The following PLAG1 variants were observed in gnomAD, a reference collection of about 807,000 sequenced individuals.
PLAG1 encodes the protein PLAG1 zinc finger, also known as zinc finger protein PLAG1.
PLAG1 carries 7 observed loss-of-function variants against 35.5 expected under a neutral mutation model. The ratio of observed to expected loss-of-function variants is 0.20; its 90% confidence interval spans 0.11 to 0.37. The LOEUF is 0.37. Ranked by LOEUF, PLAG1 falls within the 10% of genes least tolerant of loss-of-function variation. The probability of loss-of-function intolerance (pLI) is 1.00; values close to 1 mark genes in which losing one functional copy is unlikely to be tolerated. For synonymous variants in PLAG1, 229 were observed against 225.4 expected (o/e 1.02, Z -0.14); for missense variants, 454 against 602.8 (o/e 0.75, Z 2.58).
chr8:56,202,912 T>C (rs1040756380), intron 1 of PLAG1, among the ~76,000 whole-genome samples: 3 of 152,170 alleles, frequency 2.0e-5, no homozygotes, highest in African/African-American at 7.2e-5. Flanking sequence ...GTTTATACTT[T>C]CCCAAAAGAA....
intron 1 of PLAG1, among the ~76,000 whole-genome samples, chr8:56,190,279 C>T (rs541906190): frequency 5.9e-5 from 9 of 151,916 alleles, no homozygotes; most frequent in Admixed American, 1.3e-4. Context: ...GAAAGGGGCA[C>T]GGAGAGGGGA....
chr8:56,189,752 TG>T (rs1431449915), intron 1 of PLAG1, among the ~76,000 whole-genome samples: 4 of 151,912 alleles, frequency 2.6e-5, no homozygotes, highest in African/African-American at 9.7e-5. Context: ...GAACTGAGAT[TG>T]GGGTGAGGTA....
chr8:56,194,503 A>G lies in PLAG1; in HGVS notation c.-321-14990T>C, dbSNP rs575345900. Among the ~76,000 whole-genome samples, 26 of 152,304 alleles carry G rather than the reference A, an allele frequency of 1.7e-4. No homozygotes were observed. The South Asian group carries it at 4.8e-3, about 28-fold the overall frequency. On this transcript the variant is annotated intron_variant, in intron 1 of 4. Coordinates refer to ENST00000316981, the MANE Select transcript of PLAG1 (RefSeq NM_002655.3). ...GGCTCATGCATGCAGTGGGTGCACT[A>G]CAGTGGGAGAGACTTCGGTCATGGA...
intron 1 of PLAG1, among the ~76,000 whole-genome samples, chr8:56,186,738 C>A (rs1285353055): frequency 6.6e-6 from 1 of 150,424 alleles, no homozygotes; most frequent in African/African-American, 2.4e-5. Flanking sequence ...TATTTTGAGA[C>A]CGAGTTTCGC....
In PLAG1 at chr8:56,164,226, C is replaced by A. The variant is rs932407669; in HGVS notation, c.*2017G>T. ...TACATAAGTATAAAAACTACTGCTCCAAGGATTAAAAAAATATAGGAGCAT... is the reference window on the plus strand; with the variant it reads ...TACATAAGTATAAAAACTACTGCTCAAAGGATTAAAAAAATATAGGAGCAT... On this transcript the variant is annotated 3_prime_UTR_variant, in exon 5 of 5. Transcript: ENST00000316981. 5.0e-6 allele frequency: 1 copy of A among 200,734 alleles called. No homozygotes were observed. The allele number at this position is 200,734 out of a possible 1,614,324, so 12.4% of individuals were successfully genotyped here. A position where few individuals can be genotyped will look rare whatever the true frequency, so the allele number is the denominator to read the frequency against.
At chr8:56,180,635 A>C (rs1173105244) in intron 1 of PLAG1, among the ~76,000 whole-genome samples, 2 of 152,130 alleles carry the variant, frequency 1.3e-5, no homozygotes, top group South Asian at 2.1e-4. Flanking sequence ...TCTTGAGTTA[A>C]TTTTTGTATA....
intron 1 of PLAG1, among the ~76,000 whole-genome samples, chr8:56,189,427 C>G (rs1293390208): frequency 1.3e-5 from 2 of 152,108 alleles, no homozygotes; most frequent in South Asian, 2.1e-4. Flanking sequence ...GTATAGACCC[C>G]CTATCTGCAC....
chr8:56,182,876 C>T (rs1328599506), intron 1 of PLAG1, among the ~76,000 whole-genome samples: 5 of 151,982 alleles, frequency 3.3e-5, no homozygotes, highest in African/African-American at 1.2e-4. Context: ...GAGGCTTTTG[C>T]CCTGGATAAG....
At chr8:56,204,392 C>T (rs1418925282) in intron 1 of PLAG1, among the ~76,000 whole-genome samples, 1 of 151,760 alleles carries the variant, frequency 6.6e-6, no homozygotes, top group African/African-American at 2.4e-5. Flanking sequence ...TACACTTGAA[C>T]TATCTTAAGT....
At chr8:56,197,806 G>A (rs1428940759) in intron 1 of PLAG1, among the ~76,000 whole-genome samples, 1 of 152,196 alleles carries the variant, frequency 6.6e-6, no homozygotes, top group East Asian at 1.9e-4. Flanking sequence ...GCTTGCTGCA[G>A]GTGAGGGCTG....
Position 56,161,009 on chromosome 8 carries a change from T to C in PLAG1, c.*5234A>G. On this transcript the variant is annotated 3_prime_UTR_variant, in exon 5 of 5. Coordinates refer to ENST00000316981, the MANE Select transcript of PLAG1 (RefSeq NM_002655.3). The stretch of plus-strand genomic sequence containing the variant: ...TAGGCCACAAGAAGCTGCAGTACTA[T>C]TATTTAATTAGCAGCAAATTAATAT... 1 of 181,028 alleles carries C rather than the reference T, an allele frequency of 5.5e-6. No individual in the cohort carries two copies. The highest frequency in any genetic ancestry group is 1.2e-5 in the Non-Finnish European group (1 of 84,498). 11.2% of individuals were successfully genotyped at this position (181,028 alleles called of 1,614,324 possible).
chr8:56,185,373 AC>A (rs200576655), intron 1 of PLAG1, among the ~76,000 whole-genome samples: 1,663 of 152,192 alleles, frequency 0.011, 15 homozygotes, highest in Non-Finnish European at 0.015. Flanking sequence ...TATCAATTAT[AC>A]CCCCCAAAAC....
At chr8:56,188,880 G>C (rs533659988) in intron 1 of PLAG1, among the ~76,000 whole-genome samples, 3 of 152,192 alleles carry the variant, frequency 2.0e-5, no homozygotes, top group African/African-American at 7.2e-5. Context: ...TGAAACGTGT[G>C]GGGATAATAT....
chr8:56,208,278 G>A (rs1423012905), intron 1 of PLAG1, among the ~76,000 whole-genome samples: 1 of 152,120 alleles, frequency 6.6e-6, no homozygotes, highest in Non-Finnish European at 1.5e-5. Context: ...GAAACCTCTG[G>A]ACAGAAGATC....
At chr8:56,207,868 T>C (rs1310749214) in intron 1 of PLAG1, among the ~76,000 whole-genome samples, 4 of 152,124 alleles carry the variant, frequency 2.6e-5, no homozygotes, top group African/African-American at 9.6e-5. Context: ...AGATTTTAGA[T>C]TGGTGCACTC....
Position 56,161,207 on chromosome 8 carries a change from A to C in PLAG1, c.*5036T>G. 5.1e-6 allele frequency: 1 copy of C among 196,938 alleles called. No homozygotes were observed. Among genetic ancestry groups the C allele is most frequent in the Middle Eastern group, 1.8e-3 (1 of 562 alleles). The allele number at this position is 196,938 out of a possible 1,614,324, so 12.2% of individuals were successfully genotyped here. ...AAATACAACAGTAGTTTGTGAATAC[A>C]TTTTAAGTACACGATATACATGATA... On this transcript the variant is annotated 3_prime_UTR_variant, in exon 5 of 5. Transcript: ENST00000316981.
intron 1 of PLAG1, among the ~76,000 whole-genome samples, chr8:56,182,587 T>C (rs1447378319): frequency 5.9e-5 from 9 of 151,814 alleles, no homozygotes; most frequent in East Asian, 1.9e-4. Context: ...AGAGAAGTTA[T>C]TGGGTGGGGC....
At position 56,167,036 on chromosome 8, in the gene PLAG1, T is replaced by C. The variant is rs768219164; in HGVS notation, c.710A>G (p.Asn237Ser). The change falls in exon 5 of 5, where the codon AAT becomes AGT. Residue 237 changes from asparagine (N) to serine (S), a missense_variant. Asn to Ser is a conservative substitution (Grantham distance 46). Coordinates refer to ENST00000316981, the MANE Select transcript of PLAG1 (RefSeq NM_002655.3). The surrounding 1 kb of genome is among the most constrained non-coding windows in gnomAD (Gnocchi z 5.9). ...TGTTTTGACCTTCAGAAGCTCTTGA[T>C]TGTGACTCTTCTTCATATGTCGAGT... ...HLTRHMKKSHNQELLKVKTEP... is the reference protein window; with the variant it reads ...HLTRHMKKSHSQELLKVKTEP... The C allele has an allele frequency of 8.7e-6, 14 of 1,613,988 alleles. No homozygotes were observed. The Admixed American group carries it at 1.5e-4, about 17-fold the overall frequency.
chr8:56,201,570 A>G (rs2129234384), intron 1 of PLAG1, among the ~76,000 whole-genome samples: 1 of 152,272 alleles, frequency 6.6e-6, no homozygotes, highest in Non-Finnish European at 1.5e-5. Flanking sequence ...AGAATGTACA[A>G]TTTTCTTAAA....
Sources: allele counts gnomAD v4.1 joint callset (sites outside exome capture counted in the v4.1 genomes callset), GRCh38; gene constraint gnomAD v4.1.1; non-coding constraint Gnocchi (gnomAD v3.1); transcripts MANE v1.5; gene names NCBI Gene and HGNC (gene_info 2026-07-23, HGNC 2026-07-21).